Variants in EMB observed in about 807,000 individuals in gnomAD.
EMB encodes embigin homolog.
EMB carries 31 observed loss-of-function variants against 41.4 expected under a neutral mutation model. That is an observed-to-expected ratio of 0.75 (90% CI 0.56 to 1.01). The LOEUF is 1.01. Among genes scored for constraint, EMB ranks in the 50% least tolerant of loss-of-function variants. EMB has a pLI of 0.00. For missense variants in EMB, 379 were observed against 388.3 expected (o/e 0.98, Z 0.20); for synonymous variants, 137 against 140.4 (o/e 0.98, Z 0.17).
At chr5:50,400,699 T>C (rs1318911814) in intron 7 of EMB, among the ~76,000 whole-genome samples, 1 of 151,982 alleles carries the variant, frequency 6.6e-6, no homozygotes, top group Admixed American at 6.6e-5. Flanking sequence ...GATAGTGAAA[T>C]AACCTGAAGA....
chr5:50,409,054 G>T (rs571483847), intron 4 of EMB, among the ~76,000 whole-genome samples: 1 of 151,678 alleles, frequency 6.6e-6, no homozygotes, highest in Non-Finnish European at 1.5e-5. Flanking sequence ...AACTAGAAAA[G>T]AAAAAAAAGT....
intron 4 of EMB, among the ~76,000 whole-genome samples, chr5:50,409,575 G>T (rs531466970): frequency 2.9e-4 from 44 of 150,852 alleles, no homozygotes; most frequent in Non-Finnish European, 5.3e-4. Flanking sequence ...GAGAAAGGGA[G>T]GAAAAAAGGA....
chr5:50,425,116 TTTC>T (rs767757159), intron 2 of EMB, among the ~76,000 whole-genome samples: 1 of 152,286 alleles, frequency 6.6e-6, no homozygotes, highest in East Asian at 1.9e-4. Context: ...TTTCACTTCT[TTTC>T]TTCTTCTCAA....
Position 50,435,055 on chromosome 5 carries a change from A to T in EMB, c.112+5985T>A, listed in dbSNP as rs185855412. 1.4e-4 allele frequency among the ~76,000 whole-genome samples: 21 copies of T among 152,358 alleles called. No individual in the cohort carries two copies. In the East Asian group the frequency reaches 4.0e-3, roughly 29 times the overall value. ...CACCTTTGGAAAATGATACCTAAGA[A>T]CATTAACAGATTTCTCAACTACTGT... On this transcript the variant is annotated intron_variant, in intron 1 of 8. Coordinates refer to ENST00000303221, the MANE Select transcript of EMB (RefSeq NM_198449.3).
chr5:50,411,320 G>A lies in EMB; in HGVS notation c.260C>T (p.Thr87Ile). ...ATCCCCAGATGTTGTGAACTGGCAT[G>A]TGAGATTTACATTAGAAGGCCTTTC... Reference protein sequence around the residue: ...TLERPSNVNLTCQFTTSGDLN... With the variant: ...TLERPSNVNLICQFTTSGDLN... The change falls in exon 3 of 9, where the codon ACA (threonine) becomes ATA (isoleucine). Residue 87 changes from threonine (T) to isoleucine (I), a missense_variant. By Grantham distance (89) the Thr-to-Ile change is moderately conservative. Coordinates refer to ENST00000303221, the MANE Select transcript of EMB (RefSeq NM_198449.3). 1 of 1,612,772 alleles carries A rather than the reference G, an allele frequency of 6.2e-7. No homozygotes were observed. Among genetic ancestry groups the A allele is most frequent in the South Asian group, 1.1e-5 (1 of 90,900 alleles).
intron 4 of EMB, among the ~76,000 whole-genome samples, chr5:50,409,032 CT>C (rs1162200691): frequency 6.6e-6 from 1 of 152,006 alleles, no homozygotes; most frequent in East Asian, 1.9e-4. Context: ...CTAACCTAAA[CT>C]GCTTCAAGAC....
intron 4 of EMB, among the ~76,000 whole-genome samples, chr5:50,408,720 C>A (rs1745286024): frequency 2.0e-5 from 3 of 151,928 alleles, no homozygotes; most frequent in Non-Finnish European, 2.9e-5. Context: ...TTAGGAAAAA[C>A]CATTAAGTAA....
At chr5:50,415,727 G>T (rs2111810224) in intron 2 of EMB, among the ~76,000 whole-genome samples, 1 of 152,242 alleles carries the variant, frequency 6.6e-6, no homozygotes, top group East Asian at 1.9e-4. Flanking sequence ...AGTCCAGACT[G>T]TGATAACCAA....
intron 1 of EMB, among the ~76,000 whole-genome samples, chr5:50,432,926 A>G (rs1396354655): frequency 2.6e-5 from 4 of 151,940 alleles, no homozygotes. Flanking sequence ...AAAATACAAA[A>G]AATTAGCCAG....
chr5:50,397,869 A>G lies in EMB; in HGVS notation c.*1404T>C, dbSNP rs1436398129. Reference sequence around the variant, plus strand: ...ATTTTGTTATAGCAACAAAGTATTGAGCAGCTTCCAAGTCACTACCTTATG... The same window carrying G: ...ATTTTGTTATAGCAACAAAGTATTGGGCAGCTTCCAAGTCACTACCTTATG... On this transcript the variant is annotated 3_prime_UTR_variant, in exon 9 of 9. Coordinates refer to ENST00000303221, the MANE Select transcript of EMB (RefSeq NM_198449.3). The G allele has an allele frequency of 6.6e-6, 1 of 152,070 alleles. No individual in the cohort carries two copies. The highest frequency in any genetic ancestry group is 1.5e-5 in the Non-Finnish European group (1 of 67,982). The allele number at this position is 152,070 out of a possible 1,614,324, so 9.4% of individuals were successfully genotyped here. A position where few individuals can be genotyped will look rare whatever the true frequency, so the allele number is the denominator to read the frequency against.
rs972586403 is a variant in EMB at position 50,397,846 on chromosome 5, T to G, written c.*1427A>C. On this transcript the variant is annotated 3_prime_UTR_variant, in exon 9 of 9. Coordinates refer to ENST00000303221, the MANE Select transcript of EMB (RefSeq NM_198449.3). The stretch of plus-strand genomic sequence containing the variant: ...GATGCTTTACAACAAAATATTGCAT[T>G]TTGTTATAGCAACAAAGTATTGAGC... 2.0e-5 allele frequency: 3 copies of G among 152,190 alleles called. No individual in the cohort carries two copies. The highest frequency in any genetic ancestry group is 2.0e-4 in the Admixed American group (3 of 15,256). The allele number at this position is 152,190 out of a possible 1,614,324, so 9.4% of individuals were successfully genotyped here. A position where few individuals can be genotyped will look rare whatever the true frequency, so the allele number is the denominator to read the frequency against.
intron 7 of EMB, among the ~76,000 whole-genome samples, chr5:50,400,150 G>A (rs1030451417): frequency 2.6e-5 from 4 of 151,982 alleles, no homozygotes; most frequent in Non-Finnish European, 5.9e-5. Flanking sequence ...AGGGAGAATT[G>A]CTTCTCCCCA....
chr5:50,438,061 T>G (rs1339608691), intron 1 of EMB, among the ~76,000 whole-genome samples: 1 of 152,160 alleles, frequency 6.6e-6, no homozygotes, highest in African/African-American at 2.4e-5. Context: ...TTTAGATGCA[T>G]AGGCTATGCT....
chr5:50,435,641 C>A (rs946641408), intron 1 of EMB, among the ~76,000 whole-genome samples: 2 of 152,170 alleles, frequency 1.3e-5, no homozygotes, highest in African/African-American at 4.8e-5. Context: ...GGTCTTTGAT[C>A]ATTTGATCAA....
Position 50,423,718 on chromosome 5 carries a change from C to T in EMB, c.196+4426G>A, listed in dbSNP as rs564923831. ...GTCATTTTTGTGTTATTTCTCAGCT[C>T]GGAGGCTCCTGTACAGTATAATGCA... is the stretch of plus-strand genomic sequence containing the variant. On this transcript the variant is annotated intron_variant, in intron 2 of 8. Transcript: ENST00000303221. Among the ~76,000 whole-genome samples the T allele has an allele frequency of 3.6e-4, 55 of 152,118 alleles. No individual in the cohort carries two copies. The Middle Eastern group carries it at 0.02, about 56-fold the overall frequency.
chr5:50,427,514 T>C (rs1561139003), intron 2 of EMB, among the ~76,000 whole-genome samples: 2 of 150,750 alleles, frequency 1.3e-5, no homozygotes, highest in Admixed American at 6.6e-5. Flanking sequence ...TATTATATTA[T>C]TATTATTATT....
rs753734927 is a variant in EMB, at chr5:50,427,032, T to C, written c.196+1112A>G. 2.5e-4 allele frequency among the ~76,000 whole-genome samples: 38 copies of C among 152,136 alleles called. 1 individual carries two copies. The highest frequency in any genetic ancestry group is 5.5e-4 in the African/African-American group (23 of 41,508). ...AGCTTCTGAAACAAACCACCATGAC[T>C]CTAAGACTAATTTACCCACCACCAT... On this transcript the variant is annotated intron_variant, in intron 2 of 8. Coordinates refer to ENST00000303221, the MANE Select transcript of EMB (RefSeq NM_198449.3).
At chr5:50,432,738 A>G (rs1348794984) in intron 1 of EMB, among the ~76,000 whole-genome samples, 1 of 143,944 alleles carries the variant, frequency 6.9e-6, no homozygotes, top group Non-Finnish European at 1.5e-5. Flanking sequence ...TCCAAAAAAG[A>G]AGAAAAACAA....
chr5:50,440,484 G>T (rs1745880906), intron 1 of EMB, among the ~76,000 whole-genome samples: 1 of 131,252 alleles, frequency 7.6e-6, no homozygotes, highest in East Asian at 2.4e-4. Flanking sequence ...GGTGAGCCGA[G>T]ATCACGCCAT....
Sources: gnomAD v4.1 joint callset for allele counts (sites outside exome capture counted in the v4.1 genomes callset) on GRCh38, gnomAD v4.1.1 for gene constraint, MANE v1.5 for transcripts, NCBI Gene and HGNC (gene_info 2026-07-23, HGNC 2026-07-21) for gene names.